The following AP1G1 variants were observed in gnomAD, a reference collection of about 807,000 sequenced individuals.
AP1G1 encodes adaptor related protein complex 1 subunit gamma 1, also known as AP-1 complex subunit gamma-1.
A neutral mutation model predicts 108.3 loss-of-function variants in AP1G1; 7 were observed. The observed-to-expected ratio is 0.06, with a 90% confidence interval of 0.04 to 0.12. The LOEUF (loss-of-function observed/expected upper bound fraction) is 0.12, where lower values mean the gene tolerates loss of function less well. AP1G1 is among the 10% of genes least tolerant of loss of function. The pLI is 1.00. For missense variants in AP1G1, 756 were observed against 1,010.7 expected (o/e 0.75, Z 3.42); for synonymous variants, 379 against 353.5 (o/e 1.07, Z -0.81).
intron 17 of AP1G1, among the ~76,000 whole-genome samples, chr16:71,745,899 A>G (rs1237177791): frequency 6.6e-6 from 1 of 152,250 alleles, no homozygotes; most frequent in Admixed American, 6.5e-5. Context: ...ATCCATAGGT[A>G]TTAACAGTCA....
At chr16:71,767,755 C>G (rs1348695212) in intron 6 of AP1G1, 10 of 957,254 alleles carry the variant, frequency 1.0e-5, no homozygotes, top group Non-Finnish European at 1.4e-5. Flanking sequence ...AACAATAACT[C>G]ACAGTATTAA....
Position 71,731,513 on chromosome 16 carries a change from G to T in AP1G1, c.*1545C>A, listed in dbSNP as rs11539980. On this transcript the variant is annotated 3_prime_UTR_variant, in exon 23 of 23. Coordinates refer to ENST00000299980, the MANE Select transcript of AP1G1 (RefSeq NM_001128.6). ...CAATACAGTAACAATTGCAAACATT[G>T]TAAGAGCAAGGTGGGCCTCACTTTT... 52,235 of 151,724 alleles carry T rather than the reference G, an allele frequency of 0.34. 9,732 individuals are homozygous for T. Among genetic ancestry groups the T allele is most frequent in the East Asian group, 0.75 (3,872 of 5,168 alleles). 9.4% of individuals were successfully genotyped at this position (151,724 alleles called of 1,614,324 possible). A position where few individuals can be genotyped will look rare whatever the true frequency, so the allele number is the denominator to read the frequency against.
At chr16:71,753,558 T>G (rs911667838) in intron 13 of AP1G1, 3 of 411,178 alleles carry the variant, frequency 7.3e-6, no homozygotes, top group Admixed American at 4.0e-5. Context: ...TCATGTCTCT[T>G]AGGTCTCTAC....
Position 71,733,120 on chromosome 16 carries a change from T to C in AP1G1, c.2407A>G (p.Lys803Glu). 3 of 1,614,160 alleles carry C rather than the reference T, an allele frequency of 1.9e-6. No homozygotes were observed. Among genetic ancestry groups the C allele is most frequent in the Non-Finnish European group, 2.5e-6 (3 of 1,180,006 alleles). Reference protein sequence around the residue: ...RMRIKLTYNHKGSAMQDLAEV... With the variant: ...RMRIKLTYNHEGSAMQDLAEV... The stretch of plus-strand genomic sequence containing the variant: ...GCTAGATCTTGCATTGCTGAGCCCT[T>C]GTGATTATATGTAAGCTTGATCCGC... The change falls in exon 23 of 23, where the codon AAG (lysine) becomes GAG (glutamate). Residue 803 changes from lysine to glutamate, a missense_variant. Coordinates refer to ENST00000299980, the MANE Select transcript of AP1G1 (RefSeq NM_001128.6).
At chr16:71,756,187 T>C in intron 11 of AP1G1, 28 bp from the exon 12 acceptor site, 1 of 1,594,234 alleles carries the variant, frequency 6.3e-7, no homozygotes, top group East Asian at 2.2e-5. Flanking sequence ...TTAAAAACAG[T>C]TAAGAAATTT....
chr16:71,807,973 T>A (rs2142297132), intron 1 of AP1G1: 4 of 1,239,662 alleles, frequency 3.2e-6, no homozygotes, highest in Admixed American at 2.9e-5. Flanking sequence ...CCAAAAGCCA[T>A]TTAATCTGCT....
In AP1G1 at chr16:71,783,383, A is replaced by G. The variant is rs74029704; in HGVS notation, c.201+5896T>C. Reference sequence around the variant, plus strand: ...CAATAATGTGGCAAAGTAGATAAATATTATTAAAAATCAATTATATCACTA... The same window carrying G: ...CAATAATGTGGCAAAGTAGATAAATGTTATTAAAAATCAATTATATCACTA... On this transcript the variant is annotated intron_variant, in intron 2 of 22. Transcript: ENST00000299980. Among the ~76,000 whole-genome samples the G allele has an allele frequency of 9.5e-4, 145 of 152,314 alleles. 1 individual carries two copies. Among genetic ancestry groups the G allele is most frequent in the African/African-American group, 3.2e-3 (132 of 41,580 alleles).
rs2145400463 is a variant in AP1G1 at position 71,729,996 on chromosome 16, G to A, written c.*3062C>T. 6.6e-6 allele frequency: 1 copy of A among 152,532 alleles called. No individual in the cohort carries two copies. The highest frequency in any genetic ancestry group is 1.5e-5 in the Non-Finnish European group (1 of 68,032). The allele number at this position is 152,532 out of a possible 1,614,324, so 9.4% of individuals were successfully genotyped here. On this transcript the variant is annotated 3_prime_UTR_variant, in exon 23 of 23. Transcript: ENST00000299980. ...GGGAAGCATGTTATATAAACCATTA[G>A]TGTTGGACAGTTTTAAAAGTCTATT...
intron 2 of AP1G1, among the ~76,000 whole-genome samples, chr16:71,780,501 A>G (rs1217502802): frequency 3.3e-5 from 5 of 151,428 alleles, no homozygotes; most frequent in Non-Finnish European, 1.5e-5. Flanking sequence ...TTAATTTAAA[A>G]AAAAAAAAAA....
chr16:71,765,823 A>C (rs2031289095), intron 6 of AP1G1, among the ~76,000 whole-genome samples: 1 of 152,236 alleles, frequency 6.6e-6, no homozygotes, highest in African/African-American at 2.4e-5. Context: ...TGCAAGAGTT[A>C]TATGTAAAGA....
chr16:71,748,102 T>C, intron 16 of AP1G1, 149 bp downstream of exon 16: 1 of 787,840 alleles, frequency 1.3e-6, no homozygotes, highest in Non-Finnish European at 2.0e-6. Flanking sequence ...TCACTGTGAC[T>C]GTGGAGAAAT....
intron 11 of AP1G1, 98 bp downstream of exon 11, chr16:71,758,710 G>A: frequency 2.8e-6 from 2 of 704,558 alleles, no homozygotes; most frequent in East Asian, 2.7e-5. Context: ...CTCTTGCTCT[G>A]AAAACAAAGT....
At chr16:71,759,749 G>A (rs1239058076) in intron 10 of AP1G1, among the ~76,000 whole-genome samples, 1 of 149,982 alleles carries the variant, frequency 6.7e-6, no homozygotes, top group Non-Finnish European at 1.5e-5. Flanking sequence ...GACAGAGCGA[G>A]ACTCTGTCTC....
intron 1 of AP1G1, among the ~76,000 whole-genome samples, chr16:71,797,828 G>A: frequency 6.6e-6 from 1 of 152,000 alleles, no homozygotes; most frequent in African/African-American, 2.4e-5. Flanking sequence ...ATACTAAGAT[G>A]ACAAATTTTC....
At chr16:71,774,421 G>GAACA (rs1555555140) in intron 3 of AP1G1, 47 bp downstream of exon 3, 1 of 1,573,634 alleles carries the variant, frequency 6.4e-7, no homozygotes, top group Non-Finnish European at 8.6e-7. Flanking sequence ...ATACAAAAAA[G>GAACA]AACAAAGTAG....
rs548247990 is a variant in AP1G1 at position 71,773,368 on chromosome 16, A to G, written c.327-6T>C. ...GCGTGCTATGATTAAGATCACTGCA[A>G]AAGAAAAGAGGAAGGTAGGAACAAG... On this transcript the variant is annotated splice_polypyrimidine_tract_variant and splice_region_variant and intron_variant, in intron 3 of 22. Coordinates refer to ENST00000299980, the MANE Select transcript of AP1G1 (RefSeq NM_001128.6). 6.7e-7 allele frequency: 1 copy of G among 1,495,520 alleles called. No homozygotes were observed. The highest frequency in any genetic ancestry group is 8.9e-7 in the Non-Finnish European group (1 of 1,127,540). The allele number at this position is 1,495,520 out of a possible 1,614,324, so 92.6% of individuals were successfully genotyped here.
chr16:71,802,330 A>C (rs2032831499), intron 1 of AP1G1, among the ~76,000 whole-genome samples: 1 of 152,090 alleles, frequency 6.6e-6, no homozygotes, highest in Non-Finnish European at 1.5e-5. Flanking sequence ...GCAGTGGCAC[A>C]GTCTTAGCTC....
intron 11 of AP1G1, among the ~76,000 whole-genome samples, chr16:71,757,135 A>G (rs145143250): frequency 3.9e-5 from 6 of 152,288 alleles, no homozygotes; most frequent in East Asian, 1.9e-4. Flanking sequence ...ATCAAACACT[A>G]TATGTACACT....
chr16:71,794,943 C>A (rs1232781841), intron 1 of AP1G1, among the ~76,000 whole-genome samples: 1 of 145,344 alleles, frequency 6.9e-6, no homozygotes, highest in Non-Finnish European at 1.5e-5. Flanking sequence ...ACTCTTGTAT[C>A]CTCCTATAAG....
Sources: allele counts gnomAD v4.1 joint callset (sites outside exome capture counted in the v4.1 genomes callset), GRCh38; gene constraint gnomAD v4.1.1; transcripts MANE v1.5; gene names NCBI Gene and HGNC (gene_info 2026-07-23, HGNC 2026-07-21).